C7orf78: variants seen among roughly 807,000 people sequenced by gnomAD.
C7orf78 encodes chromosome 7 open reading frame 78.
the C7orf78 span, among the ~76,000 whole-genome samples, chr7:12,484,574 TTGTA>T: frequency 6.6e-6 from 1 of 152,200 alleles, no homozygotes; most frequent in African/African-American, 2.4e-5. Flanking sequence ...ATGTCGCAAT[TTGTA>T]TGTATAATGT....
the C7orf78 span, among the ~76,000 whole-genome samples, chr7:12,504,850 A>T: frequency 1.3e-5 from 2 of 152,144 alleles, no homozygotes; most frequent in Non-Finnish European, 1.5e-5. Context: ...TGATCACGAT[A>T]GCAGATTATA....
the C7orf78 span, among the ~76,000 whole-genome samples, chr7:12,533,838 T>A: frequency 6.6e-6 from 1 of 152,114 alleles, no homozygotes; most frequent in Admixed American, 6.6e-5. Context: ...AAGTTTCTTA[T>A]AGTGGTTACA....
the C7orf78 span, among the ~76,000 whole-genome samples, chr7:12,497,533 A>G: frequency 6.6e-6 from 1 of 152,194 alleles, no homozygotes; most frequent in Admixed American, 6.5e-5. Flanking sequence ...CCACGGGCTT[A>G]AAAAACGGTG....
At chr7:12,494,289 T>C in the C7orf78 span, among the ~76,000 whole-genome samples, 1 of 152,204 alleles carries the variant, frequency 6.6e-6, no homozygotes, top group Non-Finnish European at 1.5e-5. Flanking sequence ...CACTGTGGTG[T>C]ACATGGTGCA....
the C7orf78 span, among the ~76,000 whole-genome samples, chr7:12,498,466 C>A: frequency 1.3e-5 from 2 of 151,618 alleles, no homozygotes; most frequent in Non-Finnish European, 2.9e-5. Flanking sequence ...ATGCGATCAA[C>A]TGGAAGAAAG....
the C7orf78 span, among the ~76,000 whole-genome samples, chr7:12,515,473 G>A: frequency 1.3e-5 from 2 of 152,162 alleles, no homozygotes; most frequent in Non-Finnish European, 2.9e-5. Flanking sequence ...GTGTGAAAAT[G>A]GACCAATACA....
At chr7:12,495,835 A>C in the C7orf78 span, among the ~76,000 whole-genome samples, 1 of 152,186 alleles carries the variant, frequency 6.6e-6, no homozygotes, top group Non-Finnish European at 1.5e-5. Context: ...CATGTTCCTT[A>C]ATGCCTAGAA....
At chr7:12,493,387 C>T in the C7orf78 span, among the ~76,000 whole-genome samples, 1 of 152,186 alleles carries the variant, frequency 6.6e-6, no homozygotes, top group Non-Finnish European at 1.5e-5. Context: ...TCTGTATTAG[C>T]AATTCCCTGA....
the C7orf78 span, among the ~76,000 whole-genome samples, chr7:12,499,130 A>G: frequency 2.2e-3 from 336 of 152,356 alleles, 1 homozygote; most frequent in African/African-American, 7.7e-3. Flanking sequence ...CTGCAAAATC[A>G]TGCCAAAATG....
the C7orf78 span, among the ~76,000 whole-genome samples, chr7:12,513,891 T>G: frequency 2.6e-5 from 4 of 151,950 alleles, no homozygotes; most frequent in Non-Finnish European, 5.9e-5. Context: ...TCCCAGCTAC[T>G]AGGGAGGCTG....
At chr7:12,512,129 A>C in the C7orf78 span, among the ~76,000 whole-genome samples, 2 of 151,598 alleles carry the variant, frequency 1.3e-5, no homozygotes, top group Non-Finnish European at 2.9e-5. Context: ...TGGTTTTTCT[A>C]AATGTAAATA....
the C7orf78 span, among the ~76,000 whole-genome samples, chr7:12,527,291 G>A: frequency 2.5e-5 from 3 of 120,044 alleles, no homozygotes; most frequent in African/African-American, 3.6e-5. Context: ...ACTCACTTTG[G>A]TAGAAAATGC....
the C7orf78 span, among the ~76,000 whole-genome samples, chr7:12,533,805 C>T: frequency 9.2e-5 from 14 of 152,082 alleles, no homozygotes; most frequent in African/African-American, 2.2e-4. Flanking sequence ...CGTGAGCCAC[C>T]ATACCTAGCC....
the C7orf78 span, among the ~76,000 whole-genome samples, chr7:12,534,977 G>GGGAA: frequency 0.21 from 27,986 of 130,228 alleles, 3,237 homozygotes; most frequent in East Asian, 0.32. Context: ...GAAGGAAGGA[G>GGGAA]GGAAGGAAGG....
the C7orf78 span, among the ~76,000 whole-genome samples, chr7:12,518,374 G>T: frequency 6.6e-6 from 1 of 152,162 alleles, no homozygotes; most frequent in Non-Finnish European, 1.5e-5. Context: ...TGCTGGTAAT[G>T]GCAGTGGTGA....
At chr7:12,528,027 T>C in the C7orf78 span, among the ~76,000 whole-genome samples, 3 of 149,304 alleles carry the variant, frequency 2.0e-5, no homozygotes, top group Non-Finnish European at 3.0e-5. Context: ...AGCTGTGTAA[T>C]TGAAATGGAA....
the C7orf78 span, among the ~76,000 whole-genome samples, chr7:12,490,803 T>C: frequency 1.3e-5 from 2 of 151,894 alleles, no homozygotes; most frequent in Non-Finnish European, 2.9e-5. Context: ...AGAGTGAGAA[T>C]GGAATGGTGC....
the C7orf78 span, among the ~76,000 whole-genome samples, chr7:12,500,683 C>A: frequency 6.6e-6 from 1 of 152,086 alleles, no homozygotes; most frequent in African/African-American, 2.4e-5. Context: ...CCTTCTGAAA[C>A]TATTCCAGTC....
the C7orf78 span, among the ~76,000 whole-genome samples, chr7:12,539,887 T>C: frequency 0.082 from 12,409 of 152,222 alleles, 694 homozygotes; most frequent in Non-Finnish European, 0.12. Context: ...GGCTTCTCAT[T>C]GTTAGGATGT....
Sources: allele counts gnomAD v4.1 joint callset (sites outside exome capture counted in the v4.1 genomes callset), GRCh38; gene constraint gnomAD v4.1.1; transcripts MANE v1.5; gene names NCBI Gene and HGNC (gene_info 2026-07-23, HGNC 2026-07-21).